Variants in FAM13A observed in about 807,000 individuals in gnomAD.
The protein encoded by FAM13A is family with sequence similarity 13 member A.
FAM13A carries 76 observed loss-of-function variants against 129.6 expected under a neutral mutation model. That is an observed-to-expected ratio of 0.59 (90% CI 0.49 to 0.71). The LOEUF is 0.71. FAM13A is among the 30% of genes least tolerant of loss of function. The pLI is 0.00. For missense variants in FAM13A, 1,108 were observed against 1,249.3 expected (o/e 0.89, Z 1.70); for synonymous variants, 443 against 449.9 (o/e 0.98, Z 0.20).
intron 4 of FAM13A, among the ~76,000 whole-genome samples, chr4:88,989,139 C>T (rs948046900): frequency 2.0e-5 from 3 of 147,976 alleles, no homozygotes; most frequent in Non-Finnish European, 3.0e-5. Context: ...ACCCAGGAGG[C>T]AGAGGTTTCA....
intron 7 of FAM13A, among the ~76,000 whole-genome samples, chr4:88,818,021 T>A (rs1324795048): frequency 6.6e-6 from 1 of 152,194 alleles, no homozygotes; most frequent in Admixed American, 6.5e-5. Flanking sequence ...TCTTCCACTG[T>A]CGCACAGACT....
chr4:88,808,474 C>T (rs893963632), intron 7 of FAM13A, among the ~76,000 whole-genome samples: 1 of 152,094 alleles, frequency 6.6e-6, no homozygotes, highest in African/African-American at 2.4e-5. Context: ...GTCAATCTGT[C>T]ATGTTCAATG....
chr4:89,049,995 C>T (rs956285021), intron 1 of FAM13A, among the ~76,000 whole-genome samples: 2 of 152,192 alleles, frequency 1.3e-5, no homozygotes, highest in African/African-American at 2.4e-5. Flanking sequence ...AAATAAGATA[C>T]GATCTTTTCT....
chr4:88,868,338 G>A (rs1181479431), intron 6 of FAM13A, among the ~76,000 whole-genome samples: 3 of 152,104 alleles, frequency 2.0e-5, no homozygotes, highest in Non-Finnish European at 4.4e-5. Context: ...ATGAAGGCAC[G>A]AACCATCCAC....
At chr4:88,835,037 A>T (rs1047626719) in intron 7 of FAM13A, among the ~76,000 whole-genome samples, 1 of 152,062 alleles carries the variant, frequency 6.6e-6, no homozygotes, top group Non-Finnish European at 1.5e-5. Flanking sequence ...ATCTCCCCAA[A>T]TACTGCTTTA....
chr4:89,037,754 G>T (rs78877930), intron 1 of FAM13A, among the ~76,000 whole-genome samples: 5,927 of 152,128 alleles, frequency 0.039, 361 homozygotes, highest in African/African-American at 0.13. Context: ...GGGGGTGGAT[G>T]GTAATAGTGA....
At chr4:89,054,671 C>T (rs1560976954) in intron 1 of FAM13A, among the ~76,000 whole-genome samples, 2 of 152,110 alleles carry the variant, frequency 1.3e-5, no homozygotes, top group Non-Finnish European at 2.9e-5. Flanking sequence ...AGATCTACTT[C>T]CTGAGAATCT....
At chr4:88,988,808 A>G (rs1319992271) in intron 4 of FAM13A, among the ~76,000 whole-genome samples, 1 of 152,232 alleles carries the variant, frequency 6.6e-6, no homozygotes, top group African/African-American at 2.4e-5. Context: ...TACTCTGGCC[A>G]AGATAAATAG....
intron 6 of FAM13A, among the ~76,000 whole-genome samples, chr4:88,903,552 G>T (rs1320913883): frequency 3.9e-5 from 6 of 152,180 alleles, no homozygotes. Context: ...GAACAGGCTA[G>T]CCATATGCCA....
chr4:88,974,314 AT>A (rs1760596855), intron 4 of FAM13A, among the ~76,000 whole-genome samples: 1 of 151,966 alleles, frequency 6.6e-6, no homozygotes, highest in Non-Finnish European at 1.5e-5. Flanking sequence ...TGTCTGACCA[AT>A]TTTGGGGCAC....
chr4:88,898,841 C>T (rs1389861972), intron 6 of FAM13A, among the ~76,000 whole-genome samples: 2 of 151,976 alleles, frequency 1.3e-5, no homozygotes, highest in South Asian at 4.1e-4. Context: ...ACTAGTACAA[C>T]CACTATGGAA....
intron 7 of FAM13A, among the ~76,000 whole-genome samples, chr4:88,810,806 A>G (rs1729526238): frequency 1.3e-5 from 2 of 152,192 alleles, no homozygotes; most frequent in South Asian, 4.1e-4. Flanking sequence ...TGATTCAGTT[A>G]GAAACACATT....
intron 4 of FAM13A, among the ~76,000 whole-genome samples, chr4:88,961,741 G>A (rs1474611326): frequency 1.3e-5 from 2 of 152,078 alleles, no homozygotes; most frequent in African/African-American, 4.8e-5. Flanking sequence ...CATGATAGAT[G>A]TTAACTGTAT....
At position 89,016,192 on chromosome 4, in the gene FAM13A, A is replaced by AC. The variant is rs1289025814; in HGVS notation, c.427+4267_427+4268insG. ...ATCTGTGCTTATGCCTTAGTTTAAAAAAAAAAAAACACAATTTTACAAAGT... is the reference window on the plus strand; with the variant it reads ...ATCTGTGCTTATGCCTTAGTTTAAAACAAAAAAAAACACAATTTTACAAAGT... On this transcript the variant is annotated intron_variant, in intron 3 of 23. Coordinates refer to ENST00000264344, the MANE Select transcript of FAM13A (RefSeq NM_014883.4). Among the ~76,000 whole-genome samples the AC allele has an allele frequency of 5.7e-5, 8 of 141,470 alleles. No homozygotes were observed. The Admixed American group carries it at 5.7e-4, about 10-fold the overall frequency. The allele number at this position is 141,470 out of a possible 152,430, so 92.8% of individuals were successfully genotyped here.
chr4:88,786,784 GTTTT>G (rs1189167069), intron 10 of FAM13A, among the ~76,000 whole-genome samples: 1 of 151,656 alleles, frequency 6.6e-6, no homozygotes, highest in African/African-American at 2.4e-5. Context: ...GCGAAAAAAA[GTTTT>G]TTTTCTTTTT....
At chr4:88,762,173 A>T (rs7674009) in intron 13 of FAM13A, among the ~76,000 whole-genome samples, 1 of 152,076 alleles carries the variant, frequency 6.6e-6, no homozygotes, top group Non-Finnish European at 1.5e-5. Context: ...CAGTTTTTCT[A>T]TGTTTCAGGA....
intron 4 of FAM13A, among the ~76,000 whole-genome samples, chr4:88,944,014 A>C (rs1755214068): frequency 6.6e-6 from 1 of 152,242 alleles, no homozygotes; most frequent in African/African-American, 2.4e-5. Flanking sequence ...CTGAAATTCA[A>C]AAACTATACT....
At chr4:88,919,805 G>A (rs1385009401) in intron 5 of FAM13A, among the ~76,000 whole-genome samples, 1 of 152,222 alleles carries the variant, frequency 6.6e-6, no homozygotes, top group Non-Finnish European at 1.5e-5. Flanking sequence ...CAAAGAAAGG[G>A]GTGACAGATG....
intron 10 of FAM13A, among the ~76,000 whole-genome samples, chr4:88,786,143 C>A (rs1296787854): frequency 6.6e-6 from 1 of 151,998 alleles, no homozygotes; most frequent in Admixed American, 6.6e-5. Context: ...ATTTCCCTGC[C>A]CTGTCTGGCC....
Sources: gnomAD v4.1 joint callset for allele counts (sites outside exome capture counted in the v4.1 genomes callset) on GRCh38, gnomAD v4.1.1 for gene constraint, MANE v1.5 for transcripts, NCBI Gene and HGNC (gene_info 2026-07-23, HGNC 2026-07-21) for gene names.